Variants in POLA1 observed in about 807,000 individuals in gnomAD.
POLA1 encodes the protein DNA polymerase alpha catalytic subunit.
Under a neutral mutation model 124.0 loss-of-function variants are expected in POLA1, and 15 were observed. The observed-to-expected ratio is 0.12, with a 90% CI of 0.08 to 0.19. The LOEUF (loss-of-function observed/expected upper bound fraction) is 0.19. Among genes scored for constraint, POLA1 ranks in the 10% least tolerant of loss-of-function variants. POLA1 has a pLI of 1.00. For synonymous variants in POLA1, 408 were observed against 389.4 expected, an observed-to-expected ratio of 1.05 and a Z score of -0.56; for missense variants, 886 against 1,103.4, an observed-to-expected ratio of 0.80 and a Z score of 2.79.
chrX:24,979,317 G>A (rs183440619), intron 36 of POLA1, among the ~76,000 whole-genome samples: 6 of 111,856 alleles, frequency 5.4e-5, no homozygotes, highest in East Asian at 5.6e-4. Context: ...TAAGCATCGC[G>A]TAACAATTAT....
In POLA1 at chrX:24,735,505, T is replaced by A. The variant is rs748223287; in HGVS notation, c.1923+17T>A. On this transcript the variant is annotated intron_variant, in intron 18 of 36. Transcript: ENST00000379068. Reference sequence around the variant, plus strand: ...ATCATTGTGGTGAGTAGATGTTTGATCATGTTGTGGGGAAGCTCTTCATTT... The same window carrying A: ...ATCATTGTGGTGAGTAGATGTTTGAACATGTTGTGGGGAAGCTCTTCATTT... The A allele has an allele frequency of 1.1e-5, 11 of 984,376 alleles. No individual in the cohort carries two copies. The South Asian group carries it at 2.1e-4, about 19-fold the overall frequency. The allele number at this position is 984,376 out of a possible 1,213,427, so 81.1% of individuals were successfully genotyped here.
At chrX:24,951,666 G>C (rs2048046488) in intron 36 of POLA1, among the ~76,000 whole-genome samples, 1 of 110,955 alleles carries the variant, frequency 9.0e-6, no homozygotes. Flanking sequence ...GTCCCTATAA[G>C]GGTCTTCTTG....
chrX:24,950,027 C>G (rs907623338), intron 36 of POLA1, among the ~76,000 whole-genome samples: 2 of 112,027 alleles, frequency 1.8e-5, no homozygotes, highest in African/African-American at 6.5e-5. Flanking sequence ...CCACCACGCC[C>G]AGCTACTGTA....
At chrX:24,700,284 A>G (rs1296393728) in intron 2 of POLA1, among the ~76,000 whole-genome samples, 1 of 110,970 alleles carries the variant, frequency 9.0e-6, no homozygotes, top group African/African-American at 3.3e-5. Context: ...ATTAGATACT[A>G]TGATTAATAA....
chrX:24,860,128 C>A (rs1291138452), intron 34 of POLA1, among the ~76,000 whole-genome samples: 1 of 112,578 alleles, frequency 8.9e-6, no homozygotes, highest in Non-Finnish European at 1.9e-5. Context: ...TTTTCAAATT[C>A]TTGTTGGTTT....
chrX:24,728,408 C>T (rs1403344435), intron 15 of POLA1, among the ~76,000 whole-genome samples: 3 of 111,830 alleles, frequency 2.7e-5, no homozygotes, highest in Non-Finnish European at 3.8e-5. Flanking sequence ...AACAGTGACT[C>T]CTTGGTATAA....
chrX:24,792,513 C>T (rs898457462), intron 26 of POLA1, among the ~76,000 whole-genome samples: 2 of 112,428 alleles, frequency 1.8e-5, no homozygotes, highest in Non-Finnish European at 3.8e-5. Flanking sequence ...ATTCACCTAA[C>T]AGTGAGGCTT....
intron 36 of POLA1, among the ~76,000 whole-genome samples, chrX:24,990,761 G>C (rs1330985799): frequency 3.6e-5 from 4 of 111,919 alleles, no homozygotes; most frequent in African/African-American, 1.3e-4. Flanking sequence ...GTTGGAGCGC[G>C]TTTTGTAGGA....
chrX:24,813,579 C>T (rs774808522), intron 29 of POLA1, among the ~76,000 whole-genome samples: 38 of 112,010 alleles, frequency 3.4e-4, no homozygotes, highest in African/African-American at 1.2e-3. Flanking sequence ...TTTGGGAGGC[C>T]GAGGCGGGAA....
intron 34 of POLA1, among the ~76,000 whole-genome samples, chrX:24,871,396 C>T (rs1205566938): frequency 9.0e-6 from 1 of 111,334 alleles, no homozygotes; most frequent in Non-Finnish European, 1.9e-5. Context: ...TTTTGAGAGC[C>T]ACTGCTGTAG....
chrX:24,785,524 CAA>C (rs1013083420), intron 26 of POLA1, among the ~76,000 whole-genome samples: 18 of 112,033 alleles, frequency 1.6e-4, no homozygotes, highest in African/African-American at 4.9e-4. Context: ...TTACAAAAAA[CAA>C]GAGCAAAGTA....
rs776628670 is a variant in POLA1 at position 24,826,563 on chromosome X, T to C, written c.3698T>C (p.Ile1233Thr). Residue 1233 changes from isoleucine (I) to threonine (T), a missense_variant, in exon 32 of 37, where the codon ATA becomes ACA. By Grantham distance (89) the Ile-to-Thr change is moderately conservative. Transcript: ENST00000379068. The part of the protein sequence containing the change: ...HPVVARICEP[I>T]DGIDAVLIAT... Reference sequence around the variant, plus strand: ...GTCGTGGCTCGGATCTGTGAACCAATAGACGGAATTGATGCTGTCCTCATT... The same window carrying C: ...GTCGTGGCTCGGATCTGTGAACCAACAGACGGAATTGATGCTGTCCTCATT... 2.5e-6 allele frequency: 3 copies of C among 1,206,310 alleles called. No individual in the cohort carries two copies. Among genetic ancestry groups the C allele is most frequent in the Non-Finnish European group, 3.4e-6 (3 of 892,323 alleles).
intron 26 of POLA1, among the ~76,000 whole-genome samples, chrX:24,767,213 G>C (rs1430173831): frequency 8.9e-6 from 1 of 112,142 alleles, no homozygotes; most frequent in Non-Finnish European, 1.9e-5. Flanking sequence ...TTGAATCACT[G>C]TAATTATATT....
intron 36 of POLA1, among the ~76,000 whole-genome samples, chrX:24,989,552 T>C (rs1343891795): frequency 9.0e-6 from 1 of 111,155 alleles, no homozygotes; most frequent in African/African-American, 3.3e-5. Flanking sequence ...CCCATGTAGC[T>C]GGGACCACAG....
intron 35 of POLA1, among the ~76,000 whole-genome samples, chrX:24,902,403 T>C (rs1037682748): frequency 2.7e-5 from 3 of 111,891 alleles, no homozygotes. Context: ...TCCAGTGTTA[T>C]GAAAACAGCC....
At chrX:24,740,943 C>T (rs908096367) in intron 20 of POLA1, among the ~76,000 whole-genome samples, 1 of 111,096 alleles carries the variant, frequency 9.0e-6, no homozygotes, top group Admixed American at 9.6e-5. Flanking sequence ...CTGTCTCCCC[C>T]GTGAGGACAT....
intron 34 of POLA1, among the ~76,000 whole-genome samples, chrX:24,853,440 A>G (rs2046592429): frequency 8.9e-6 from 1 of 112,155 alleles, no homozygotes; most frequent in African/African-American, 3.2e-5. Context: ...TGAGCAGATC[A>G]TTTACCCATG....
At chrX:24,845,611 T>C (rs1341580405) in intron 34 of POLA1, among the ~76,000 whole-genome samples, 2 of 111,868 alleles carry the variant, frequency 1.8e-5, no homozygotes, top group Non-Finnish European at 3.8e-5. Flanking sequence ...TCTTTTGTTA[T>C]TGTGCCTTGA....
At position 24,748,418 on chromosome X, in the gene POLA1, G is replaced by A. The variant is rs1035175247; in HGVS notation, c.2799G>A (p.Gln933=). Residue 933 remains glutamine (Q), a synonymous_variant, in exon 25 of 37, where the codon CAG becomes CAA. Coordinates refer to ENST00000379068, the MANE Select transcript of POLA1 (RefSeq NM_001330360.2). The stretch of plus-strand genomic sequence containing the variant: ...TAGAACGGAGAAAACAAGTCAAACA[G>A]CTAATGAAACAGCAAGACTTAAATC... ...KLVERRKQVK[Q]LMKQQDLNPD... is the part of the protein sequence containing the mutation. 8.3e-7 allele frequency: 1 copy of A among 1,203,456 alleles called. No homozygotes were observed. Among genetic ancestry groups the A allele is most frequent in the Non-Finnish European group, 1.1e-6 (1 of 888,385 alleles).
Sources: gnomAD v4.1 joint callset for allele counts (sites outside exome capture counted in the v4.1 genomes callset) on GRCh38, gnomAD v4.1.1 for gene constraint, MANE v1.5 for transcripts, NCBI Gene and HGNC (gene_info 2026-07-23, HGNC 2026-07-21) for gene names.